WDR89: variants seen among roughly 807,000 people sequenced by gnomAD.
WDR89 encodes the protein WD repeat-containing protein 89.
Under a neutral mutation model 29.1 loss-of-function variants are expected in WDR89, and 17 were observed. That is an observed-to-expected ratio of 0.58 (90% CI 0.40 to 0.88). The LOEUF (loss-of-function observed/expected upper bound fraction) is 0.88, where lower values mean the gene tolerates loss of function less well. Among genes scored for constraint, WDR89 ranks in the 40% least tolerant of loss-of-function variants. The pLI is 0.00. For missense variants in WDR89, 396 were observed against 456.3 expected (o/e 0.87, Z 1.20); for synonymous variants, 138 against 157.8 (o/e 0.87, Z 0.94).
chr14:63,638,204 C>G (rs893381491), intron 1 of WDR89, among the ~76,000 whole-genome samples: 2 of 152,094 alleles, frequency 1.3e-5, no homozygotes, highest in Non-Finnish European at 2.9e-5. Context: ...CTCGGCCTCC[C>G]AAAGTGCTGG....
chr14:63,604,900 G>A (rs1895236165), intron 2 of WDR89, among the ~76,000 whole-genome samples: 4 of 152,110 alleles, frequency 2.6e-5, no homozygotes, highest in Admixed American at 6.6e-5. Flanking sequence ...AGCACTTTGG[G>A]AGGCCAAGCC....
At chr14:63,624,640 T>A (rs1882919040) in intron 2 of WDR89, among the ~76,000 whole-genome samples, 1 of 151,992 alleles carries the variant, frequency 6.6e-6, no homozygotes, top group Non-Finnish European at 1.5e-5. Flanking sequence ...AATAATTCAA[T>A]TAAAACATGG....
intron 2 of WDR89, among the ~76,000 whole-genome samples, chr14:63,612,285 C>T (rs189407069): frequency 6.6e-6 from 1 of 152,194 alleles, no homozygotes; most frequent in Non-Finnish European, 1.5e-5. Flanking sequence ...CCAATATCCC[C>T]TTCCCCAAAG....
intron 2 of WDR89, among the ~76,000 whole-genome samples, chr14:63,616,253 C>T (rs1349210735): frequency 6.6e-6 from 1 of 152,044 alleles, no homozygotes; most frequent in Non-Finnish European, 1.5e-5. Context: ...GACAGTGAGA[C>T]TCTGTCTCAA....
intron 2 of WDR89, among the ~76,000 whole-genome samples, chr14:63,601,013 T>G (rs574878906): frequency 5.9e-5 from 9 of 152,098 alleles, no homozygotes; most frequent in Admixed American, 3.3e-4. Context: ...CACAGAGAGA[T>G]ACAATGTTGC....
chr14:63,632,131 A>C (rs113784217), intron 1 of WDR89, among the ~76,000 whole-genome samples: 2,507 of 151,818 alleles, frequency 0.017, 50 homozygotes, highest in Admixed American at 0.044. Context: ...AACAAACAAA[A>C]AAAAAACTAA....
At chr14:63,611,884 G>A (rs532262315) in intron 2 of WDR89, among the ~76,000 whole-genome samples, 5 of 151,786 alleles carry the variant, frequency 3.3e-5, no homozygotes, top group Admixed American at 2.0e-4. Flanking sequence ...GCACCACCAC[G>A]TCAGGCTAAT....
At chr14:63,602,349 G>A (rs1226115916) in intron 2 of WDR89, among the ~76,000 whole-genome samples, 2 of 149,922 alleles carry the variant, frequency 1.3e-5, no homozygotes, top group Admixed American at 1.3e-4. Flanking sequence ...GTGCACACCT[G>A]TAATCCAGCT....
intron 1 of WDR89, among the ~76,000 whole-genome samples, chr14:63,634,204 T>G (rs1390615308): frequency 1.3e-5 from 2 of 152,084 alleles, no homozygotes; most frequent in Non-Finnish European, 2.9e-5. Flanking sequence ...TTGGCCAACA[T>G]GGCGAAACCC....
At chr14:63,602,545 G>A (rs1273820336) in intron 2 of WDR89, among the ~76,000 whole-genome samples, 2 of 151,456 alleles carry the variant, frequency 1.3e-5, no homozygotes, top group African/African-American at 4.9e-5. Context: ...GGCCAAGGCG[G>A]GCAGATCACC....
chr14:63,606,056 C>T (rs1345449033), intron 2 of WDR89, among the ~76,000 whole-genome samples: 1 of 151,710 alleles, frequency 6.6e-6, no homozygotes, highest in African/African-American at 2.4e-5. Context: ...AGCAAAGTAG[C>T]GCCATCATGG....
At chr14:63,606,344 TGAA>T (rs1895320829) in intron 2 of WDR89, among the ~76,000 whole-genome samples, 1 of 152,216 alleles carries the variant, frequency 6.6e-6, no homozygotes, top group African/African-American at 2.4e-5. Context: ...TAAGGATATA[TGAA>T]GAAAATATTT....
intron 2 of WDR89, among the ~76,000 whole-genome samples, chr14:63,604,572 T>C (rs927883219): frequency 6.6e-6 from 1 of 152,170 alleles, no homozygotes; most frequent in Admixed American, 6.5e-5. Context: ...AAATGGAACA[T>C]TACAGACACA....
intron 2 of WDR89, among the ~76,000 whole-genome samples, chr14:63,619,542 C>A (rs1882539126): frequency 6.6e-6 from 1 of 152,090 alleles, no homozygotes; most frequent in African/African-American, 2.4e-5. Context: ...TGTAAGTACA[C>A]ACTCCCACTG....
chr14:63,625,942 C>T (rs988339331), intron 1 of WDR89, among the ~76,000 whole-genome samples: 1 of 151,762 alleles, frequency 6.6e-6, no homozygotes, highest in African/African-American at 2.4e-5. Context: ...CAACCTCTGC[C>T]TCCCGGGTTC....
At chr14:63,622,832 G>A (rs1174967215) in intron 2 of WDR89, among the ~76,000 whole-genome samples, 2 of 152,132 alleles carry the variant, frequency 1.3e-5, no homozygotes, top group Non-Finnish European at 2.9e-5. Flanking sequence ...GAGGGAAGTG[G>A]AAGGATAATG....
chr14:63,634,108 C>T (rs1331800152), intron 1 of WDR89, among the ~76,000 whole-genome samples: 3 of 152,130 alleles, frequency 2.0e-5, no homozygotes, highest in Non-Finnish European at 2.9e-5. Context: ...AATTTCAGGC[C>T]GGGCACAGTG....
At chr14:63,619,265 T>G (rs1298663472) in intron 2 of WDR89, among the ~76,000 whole-genome samples, 3 of 152,186 alleles carry the variant, frequency 2.0e-5, no homozygotes, top group Non-Finnish European at 4.4e-5. Context: ...TTGAAGTTTT[T>G]GGTATATAAA....
At chr14:63,616,155 A>G (rs10133932) in intron 2 of WDR89, among the ~76,000 whole-genome samples, 16,014 of 151,666 alleles carry the variant, frequency 0.11, 1,807 homozygotes, top group African/African-American at 0.29. Flanking sequence ...CAGCTACTTG[A>G]GATGCTGAGG....
Sources: allele counts gnomAD v4.1 joint callset (sites outside exome capture counted in the v4.1 genomes callset), GRCh38; gene constraint gnomAD v4.1.1; transcripts MANE v1.5; gene names NCBI Gene and HGNC (gene_info 2026-07-23, HGNC 2026-07-21).